The following EYS variants were observed in gnomAD, a reference collection of about 807,000 sequenced individuals.
EYS encodes protein eyes shut homolog.
Under a neutral mutation model 282.1 loss-of-function variants are expected in EYS, and 250 were observed. That is an observed-to-expected ratio of 0.89 (90% CI 0.80 to 0.98). The LOEUF (loss-of-function observed/expected upper bound fraction) is 0.98. Ranked by LOEUF, EYS falls within the 50% of genes least tolerant of loss-of-function variation. EYS has a pLI of 0.00. For missense variants in EYS, 4,016 were observed against 3,709.0 expected, an observed-to-expected ratio of 1.08 and a Z score of -2.15; for synonymous variants, 1,355 against 1,282.9, an observed-to-expected ratio of 1.06 and a Z score of -1.20.
chr6:64,311,814 T>C (rs1477257584), intron 29 of EYS, among the ~76,000 whole-genome samples: 5 of 151,994 alleles, frequency 3.3e-5, no homozygotes, highest in Non-Finnish European at 7.4e-5. Flanking sequence ...TAAGAGACTA[T>C]ATCGGGAGGA....
chr6:65,120,812 T>C (rs1775525007), intron 12 of EYS, among the ~76,000 whole-genome samples: 1 of 152,170 alleles, frequency 6.6e-6, no homozygotes, highest in African/African-American at 2.4e-5. Flanking sequence ...AACATCTATA[T>C]AGATGAAATA....
intron 36 of EYS, among the ~76,000 whole-genome samples, chr6:63,834,428 T>A (rs573450690): frequency 6.6e-6 from 1 of 152,198 alleles, no homozygotes; most frequent in African/African-American, 2.4e-5. Context: ...AAGACATTCA[T>A]ACAGGCAACA....
chr6:65,184,218 G>C (rs995155435), intron 12 of EYS, among the ~76,000 whole-genome samples: 5 of 151,872 alleles, frequency 3.3e-5, no homozygotes, highest in African/African-American at 7.2e-5. Context: ...GAAATGTATA[G>C]GCTCTTAGTT....
intron 22 of EYS, among the ~76,000 whole-genome samples, chr6:64,653,128 G>A (rs1768623846): frequency 6.6e-6 from 1 of 152,014 alleles, no homozygotes; most frequent in South Asian, 2.1e-4. Context: ...TGGGCTAAAT[G>A]GAGAGAAATG....
chr6:64,897,248 G>A (rs145484949), intron 18 of EYS, among the ~76,000 whole-genome samples: 99 of 152,270 alleles, frequency 6.5e-4, no homozygotes, highest in African/African-American at 2.3e-3. Context: ...TGAAGTTCCA[G>A]AGGAAGGAGC....
chr6:64,192,112 T>C (rs201985364), intron 31 of EYS, among the ~76,000 whole-genome samples: 22,830 of 117,326 alleles, frequency 0.19, 2,747 homozygotes, highest in East Asian at 0.38. Flanking sequence ...TGTTTTTTGG[T>C]TGCATAAATG....
intron 35 of EYS, among the ~76,000 whole-genome samples, chr6:63,963,637 A>T (rs1766180408): frequency 1.3e-5 from 2 of 152,210 alleles, no homozygotes. Flanking sequence ...CTTGTCACAG[A>T]CTATGGGTTT....
intron 9 of EYS, among the ~76,000 whole-genome samples, chr6:65,352,937 A>C (rs9453263): frequency 0.67 from 102,290 of 151,724 alleles, 34,582 homozygotes; most frequent in South Asian, 0.72. Context: ...CAATTCCCTC[A>C]ACCCAGAATT....
chr6:64,520,540 T>C (rs1777703266), intron 26 of EYS, among the ~76,000 whole-genome samples: 1 of 151,656 alleles, frequency 6.6e-6, no homozygotes, highest in Admixed American at 6.6e-5. Flanking sequence ...GATTATAATA[T>C]TGAGTTGTAT....
At chr6:65,042,139 T>C (rs1247100456) in intron 13 of EYS, among the ~76,000 whole-genome samples, 1 of 151,674 alleles carries the variant, frequency 6.6e-6, no homozygotes, top group Non-Finnish European at 1.5e-5. Flanking sequence ...TAATCATTTT[T>C]ACTTCTGGTC....
chr6:65,195,280 C>T (rs77148244), intron 12 of EYS, among the ~76,000 whole-genome samples: 2,325 of 152,014 alleles, frequency 0.015, 53 homozygotes, highest in African/African-American at 0.048. Context: ...CCATCATCAA[C>T]TTGTAAGTTA....
intron 2 of EYS, among the ~76,000 whole-genome samples, chr6:65,552,479 AT>A (rs1233408854): frequency 5.3e-5 from 8 of 152,294 alleles, no homozygotes; most frequent in Admixed American, 3.9e-4. Flanking sequence ...ATTTTAAATA[AT>A]TTTACTTTAA....
chr6:64,320,347 C>A (rs980969432), intron 29 of EYS, among the ~76,000 whole-genome samples: 3 of 151,754 alleles, frequency 2.0e-5, no homozygotes, highest in Non-Finnish European at 4.4e-5. Context: ...GTCATTGAGT[C>A]TATGGGTTGT....
At chr6:65,158,537 GT>G (rs1376144708) in intron 12 of EYS, among the ~76,000 whole-genome samples, 2 of 150,776 alleles carry the variant, frequency 1.3e-5, no homozygotes, top group Admixed American at 6.6e-5. Flanking sequence ...AAAGAAATAT[GT>G]TTGTGTTGAT....
At chr6:65,702,199 AAG>A (rs1439276947) in intron 1 of EYS, among the ~76,000 whole-genome samples, 2 of 150,896 alleles carry the variant, frequency 1.3e-5, no homozygotes, top group Non-Finnish European at 2.9e-5. Flanking sequence ...TCAAAAATAA[AAG>A]AATCTTTTTT....
At chr6:64,496,560 A>G (rs540818012) in intron 26 of EYS, among the ~76,000 whole-genome samples, 201 of 152,082 alleles carry the variant, frequency 1.3e-3, no homozygotes, top group South Asian at 4.1e-4. Flanking sequence ...AATTCTAAGT[A>G]TATCTTTCTT....
chr6:63,871,909 C>A (rs1772815681), intron 35 of EYS, among the ~76,000 whole-genome samples: 1 of 152,090 alleles, frequency 6.6e-6, no homozygotes, highest in Non-Finnish European at 1.5e-5. Context: ...GTGCTGCTCA[C>A]CCCCAGCAAG....
chr6:64,892,017 T>A (rs1767306950), intron 18 of EYS, among the ~76,000 whole-genome samples: 1 of 152,036 alleles, frequency 6.6e-6, no homozygotes, highest in Non-Finnish European at 1.5e-5. Context: ...AGATACTTTT[T>A]CAATCACTAA....
intron 22 of EYS, among the ~76,000 whole-genome samples, chr6:64,738,803 G>T (rs917418044): frequency 2.6e-5 from 4 of 152,104 alleles, no homozygotes; most frequent in African/African-American, 9.7e-5. Context: ...TGTTGCCTAG[G>T]ATGGAGTGCA....
Sources: gnomAD v4.1 joint callset for allele counts (sites outside exome capture counted in the v4.1 genomes callset) on GRCh38, gnomAD v4.1.1 for gene constraint, MANE v1.5 for transcripts, NCBI Gene and HGNC (gene_info 2026-07-23, HGNC 2026-07-21) for gene names.